The following RPS26 variants were observed in gnomAD, a reference collection of about 807,000 sequenced individuals.
RPS26 encodes the protein ribosomal protein S26.
A neutral mutation model predicts 14.7 loss-of-function variants in RPS26; 1 was observed. The ratio of observed to expected loss-of-function variants is 0.07; its 90% CI spans 0.02 to 0.32. The LOEUF is 0.32. Among genes scored for constraint, RPS26 ranks in the 10% least tolerant of loss-of-function variants. The pLI, the probability that RPS26 is intolerant of heterozygous loss-of-function variation, is 1.00. For missense variants in RPS26, 63 were observed against 157.7 expected (o/e 0.40, Z 3.22); for synonymous variants, 59 against 53.1 (o/e 1.11, Z -0.48).
chr12:56,042,402 A>G, intron 1 of RPS26, 23 bp from the exon 2 acceptor site: 1 of 1,613,466 alleles, frequency 6.2e-7, no homozygotes, highest in Non-Finnish European at 8.5e-7. Flanking sequence ...CGTTTTCCTA[A>G]CAGTTTTCCC....
chr12:56,042,448 T>G lies in RPS26; in HGVS notation c.27T>G (p.Gly9=). The change falls in exon 2 of 4, where the codon GGT becomes GGG. Residue 9 remains glycine, a synonymous_variant. Coordinates refer to ENST00000646449, the MANE Select transcript of RPS26 (RefSeq NM_001029.5). ...AGACAAAGAAAAGAAGGAACAATGGTCGTGCCAAAAAGGGCCGCGGCCACG... is the reference window on the plus strand; with the variant it reads ...AGACAAAGAAAAGAAGGAACAATGGGCGTGCCAAAAAGGGCCGCGGCCACG... The part of the protein sequence containing the change: MTKKRRNN[G]RAKKGRGHVQ... 6.2e-7 allele frequency: 1 copy of G among 1,613,870 alleles called. No homozygotes were observed.
chr12:56,041,950 A>G lies in RPS26; in HGVS notation c.-217A>G, dbSNP rs1479611218. ...TTCCGCCATCCGGCTAAATAGTCCC[A>G]TGTGCACTTTGTTCCATGGATAAAT... On this transcript the variant is annotated 5_prime_UTR_variant, in exon 1 of 4. The change abolishes an upstream ATG in the 5' untranslated region. Coordinates refer to ENST00000646449, the MANE Select transcript of RPS26 (RefSeq NM_001029.5). 8 of 650,804 alleles carry G rather than the reference A, an allele frequency of 1.2e-5. No individual in the cohort carries two copies. Among genetic ancestry groups the G allele is most frequent in the Non-Finnish European group, 2.0e-5 (7 of 358,774 alleles). 40.3% of individuals were successfully genotyped at this position (650,804 alleles called of 1,614,324 possible).
At chr12:56,042,381 G>A (rs762756347) in intron 1 of RPS26, 44 bp from the exon 2 acceptor site, 95 of 1,598,868 alleles carry the variant, frequency 5.9e-5, no homozygotes, top group Non-Finnish European at 7.7e-5. Flanking sequence ...CTGAGGCTGG[G>A]TGAGTTGCGC....
chr12:56,042,029 A>G lies in RPS26; in HGVS notation c.-138A>G, dbSNP rs1746178285. On this transcript the variant is annotated 5_prime_UTR_variant, in exon 1 of 4. Coordinates refer to ENST00000646449, the MANE Select transcript of RPS26 (RefSeq NM_001029.5). ...ATTTCAGCAGAAATGCTGAATGTAA[A>G]GGAATATTTGAGTAAAGTGAGTTGC... 1 of 862,756 alleles carries G rather than the reference A, an allele frequency of 1.2e-6. No homozygotes were observed. The highest frequency in any genetic ancestry group is 1.9e-5 in the Admixed American group (1 of 51,790). 53.4% of individuals were successfully genotyped at this position (862,756 alleles called of 1,614,324 possible). A position where few individuals can be genotyped will look rare whatever the true frequency, so the allele number is the denominator to read the frequency against.
intron 1 of RPS26, 114 bp from the exon 2 acceptor site, chr12:56,042,311 C>T (rs2136753639): frequency 1.3e-6 from 2 of 1,514,212 alleles, no homozygotes; most frequent in Non-Finnish European, 1.8e-6. Flanking sequence ...TGCGGAGAAA[C>T]AGGAGATCCG....
rs372794158 is a variant in RPS26 at position 56,042,134 on chromosome 12, C to A, written c.-33C>A. The A allele has an allele frequency of 2.5e-5, 40 of 1,613,492 alleles. No homozygotes were observed. In the South Asian group the frequency reaches 2.5e-4, roughly 10 times the overall value. The stretch of plus-strand genomic sequence containing the variant: ...TGCTATATAGGAGGGCCCTGCCAGG[C>A]ACCGTCTCCTCTCTCCGGTCCGTGC... On this transcript the variant is annotated 5_prime_UTR_variant, in exon 1 of 4. Transcript: ENST00000646449.
At position 56,044,133 on chromosome 12, in the gene RPS26, T is replaced by A. The variant is rs56696262; in HGVS notation, c.327T>A (p.Arg109=). 0.014 allele frequency: 22,934 copies of A among 1,612,816 alleles called. 2,822 individuals are homozygous for A. In the African/African-American group the frequency reaches 0.27, roughly 19 times the overall value. ...TTGTCTTTCAGGGTGCTGCCCCACGTCCCCCACCAAAGCCCATGTAAGGAG... is the reference window on the plus strand; with the variant it reads ...TTGTCTTTCAGGGTGCTGCCCCACGACCCCCACCAAAGCCCATGTAAGGAG... ...PRFRPAGAAP[R]PPPKPM is the part of the protein sequence containing the mutation. Residue 109 remains arginine (R), a synonymous_variant, in exon 4 of 4, where the codon CGT becomes CGA. Coordinates refer to ENST00000646449, the MANE Select transcript of RPS26 (RefSeq NM_001029.5).
Position 56,042,041 on chromosome 12 carries a change from G to A in RPS26, c.-126G>A. 1 of 944,396 alleles carries A rather than the reference G, an allele frequency of 1.1e-6. No homozygotes were observed. Among genetic ancestry groups the A allele is most frequent in the Non-Finnish European group, 1.7e-6 (1 of 578,394 alleles). The allele number at this position is 944,396 out of a possible 1,614,324, so 58.5% of individuals were successfully genotyped here. Reference sequence around the variant, plus strand: ...ATGCTGAATGTAAAGGAATATTTGAGTAAAGTGAGTTGCCGTTCTTGAAGC... The same window carrying A: ...ATGCTGAATGTAAAGGAATATTTGAATAAAGTGAGTTGCCGTTCTTGAAGC... On this transcript the variant is annotated 5_prime_UTR_variant, in exon 1 of 4. Transcript: ENST00000646449.
Position 56,044,418 on chromosome 12 carries a change from ACT to A in RPS26, c.*265_*266del. On this transcript the variant is annotated 3_prime_UTR_variant, in exon 4 of 4. Coordinates refer to ENST00000646449, the MANE Select transcript of RPS26 (RefSeq NM_001029.5). ...AATTGCAGTGGCGTGATCTCAGCTC[ACT>A]GCAACCTCCGTCTCCCGGGTTCAAG... 1 of 407,092 alleles carries A rather than the reference ACT, an allele frequency of 2.5e-6. No individual in the cohort carries two copies. The allele number at this position is 407,092 out of a possible 1,614,324, so 25.2% of individuals were successfully genotyped here.
chr12:56,042,677 A>T (rs1895905064), intron 2 of RPS26, 75 bp downstream of exon 2: 6 of 1,301,568 alleles, frequency 4.6e-6, no homozygotes, highest in Non-Finnish European at 6.6e-6. Flanking sequence ...GCCCTTTTGG[A>T]GGCTCTGTTC....
intron 3 of RPS26, among the ~76,000 whole-genome samples, chr12:56,043,811 TAAAA>T (rs111473859): frequency 0.024 from 3,416 of 144,076 alleles, 132 homozygotes; most frequent in African/African-American, 0.082. Context: ...CCTTGTCTCT[TAAAA>T]AAAAAAAAAA....
Position 56,041,971 on chromosome 12 carries a change from T to C in RPS26, c.-196T>C. On this transcript the variant is annotated 5_prime_UTR_variant, in exon 1 of 4. The change abolishes the stop of an existing upstream ORF in the 5' untranslated region. Coordinates refer to ENST00000646449, the MANE Select transcript of RPS26 (RefSeq NM_001029.5). ...TCCCATGTGCACTTTGTTCCATGGA[T>C]AAATAAACACTAGGAACGCATTTCC... 1 of 678,748 alleles carries C rather than the reference T, an allele frequency of 1.5e-6. No individual in the cohort carries two copies. The highest frequency in any genetic ancestry group is 1.6e-5 in the South Asian group (1 of 61,994). 42.0% of individuals were successfully genotyped at this position (678,748 alleles called of 1,614,324 possible).
At chr12:56,043,624 G>A in intron 3 of RPS26, 131 bp downstream of exon 3, 7 of 889,274 alleles carry the variant, frequency 7.9e-6, no homozygotes, top group Non-Finnish European at 1.1e-5. Flanking sequence ...CTAGAAACCA[G>A]CAGTTCAAGA....
Position 56,042,547 on chromosome 12 carries a change from A to G in RPS26, c.126A>G (p.Arg42=), listed in dbSNP as rs1408495281. ...KDKAIKKFVI[R]NIVEAAAVRD... ...AGGCCATTAAGAAATTCGTCATTCGAAACATAGTGGAGGCCGCAGCAGTCA... is the reference window on the plus strand; with the variant it reads ...AGGCCATTAAGAAATTCGTCATTCGGAACATAGTGGAGGCCGCAGCAGTCA... The change falls in exon 2 of 4, where the codon CGA becomes CGG. Residue 42 remains arginine, a synonymous_variant. Transcript: ENST00000646449. 6.2e-7 allele frequency: 1 copy of G among 1,600,796 alleles called. No individual in the cohort carries two copies. Among genetic ancestry groups the G allele is most frequent in the East Asian group, 2.2e-5 (1 of 44,886 alleles).
At chr12:56,043,629 TCAAGACCC>T in intron 3 of RPS26, 136 bp downstream of exon 3, 1 of 847,466 alleles carries the variant, frequency 1.2e-6, no homozygotes, top group South Asian at 1.4e-5. Context: ...AACCAGCAGT[TCAAGACCC>T]CATCTCTTCA....
At chr12:56,042,789 TTG>T (rs1895907220) in intron 2 of RPS26, 187 bp downstream of exon 2, 1 of 674,410 alleles carries the variant, frequency 1.5e-6, no homozygotes, top group Non-Finnish European at 2.7e-6. Context: ...GAGGGTGACT[TTG>T]TGATAGAGTG....
At chr12:56,043,337 G>T in intron 2 of RPS26, 26 bp from the exon 3 acceptor site, 1 of 1,607,404 alleles carries the variant, frequency 6.2e-7, no homozygotes, top group Non-Finnish European at 8.5e-7. Flanking sequence ...TATAATACCA[G>T]TATAACTCTA....
intron 2 of RPS26, 120 bp downstream of exon 2, chr12:56,042,722 G>A: frequency 1.2e-6 from 1 of 811,862 alleles, no homozygotes; most frequent in Non-Finnish European, 2.1e-6. Context: ...ACGTATTTAA[G>A]GTTGTTACTG....
chr12:56,043,558 C>G lies in RPS26; in HGVS notation c.312+65C>G, dbSNP rs1565845881. The G allele has an allele frequency of 3.2e-6, 5 of 1,558,706 alleles. No individual in the cohort carries two copies. The East Asian group carries it at 6.7e-5, about 21-fold the overall frequency. On this transcript the variant is annotated intron_variant, in intron 3 of 3. Transcript: ENST00000646449. ...TGGTTAAAATTTCATCCTGGAGGGT[C>G]AGGGTGTCCTATACCTGTAACCTCA... is the stretch of plus-strand genomic sequence containing the variant.
Sources: allele counts gnomAD v4.1 joint callset (sites outside exome capture counted in the v4.1 genomes callset), GRCh38; gene constraint gnomAD v4.1.1; transcripts MANE v1.5; gene names NCBI Gene and HGNC (gene_info 2026-07-23, HGNC 2026-07-21).